Variants in MED16 observed in about 807,000 individuals in gnomAD.
MED16 encodes mediator complex subunit 16.
Under a neutral mutation model 84.4 loss-of-function variants are expected in MED16, and 81 were observed. The ratio of observed to expected loss-of-function variants is 0.96; its 90% CI spans 0.80 to 1.15. The LOEUF (loss-of-function observed/expected upper bound fraction) is 1.15, where lower values mean the gene tolerates loss of function less well. MED16 is among the 50% of genes most tolerant of loss of function. MED16 has a pLI of 0.00. For missense variants in MED16, 1,585 were observed against 1,245.9 expected (o/e 1.27, Z -4.10); for synonymous variants, 897 against 552.2 (o/e 1.62, Z -8.76).
At chr19:878,615 A>ACCAGCCACAACC (rs2036328598) in intron 8 of MED16, among the ~76,000 whole-genome samples, 2 of 82,224 alleles carry the variant, frequency 2.4e-5, no homozygotes, top group South Asian at 4.3e-4. Flanking sequence ...GTCAACGCCC[A>ACCAGCCACAACC]CCAGCCACAA....
At position 881,583 on chromosome 19, in the gene MED16, C is replaced by A. The variant is rs773108866; in HGVS notation, c.1117G>T (p.Asp373Tyr). 1.2e-6 allele frequency: 2 copies of A among 1,612,382 alleles called. No homozygotes were observed. Among genetic ancestry groups the A allele is most frequent in the Non-Finnish European group, 8.5e-7 (1 of 1,179,852 alleles). The change falls in exon 7 of 16, where the codon GAC becomes TAC. Residue 373 changes from aspartate to tyrosine, a missense_variant. By Grantham distance (160) the Asp-to-Tyr change is radical. Transcript: ENST00000325464. ...CCGAGGCCAGGGTAGAACTGTGTGTCGCTGGCCACCTTGAGGTCGGTGTTG... is the reference window on the plus strand; with the variant it reads ...CCGAGGCCAGGGTAGAACTGTGTGTAGCTGGCCACCTTGAGGTCGGTGTTG... ...LTNTDLKVASDTQFYPGLGLA... is the reference protein window; with the variant it reads ...LTNTDLKVASYTQFYPGLGLA...
intron 8 of MED16, among the ~76,000 whole-genome samples, chr19:877,786 AGCCCCAGCCCCACG>A (rs1599328844): frequency 2.2e-5 from 1 of 46,050 alleles, no homozygotes; most frequent in East Asian, 5.1e-4. Context: ...CCCCAGCCCC[AGCCCCAGCCCCACG>A]TGCCCCAGCA....
At chr19:891,173 A>G (rs1382830060) in intron 1 of MED16, 24 bp from the exon 2 acceptor site, 1 of 1,586,198 alleles carries the variant, frequency 6.3e-7, no homozygotes, top group South Asian at 1.1e-5. Context: ...GTGTGGTGGG[A>G]CGTCTATGTT....
rs552751854 is a variant in MED16, at chr19:876,878, G to A, written c.1560+96C>T. The A allele has an allele frequency of 1.6e-4, 206 of 1,289,300 alleles. 1 individual carries two copies. The African/African-American group carries it at 2.8e-3, about 18-fold the overall frequency. 79.9% of individuals were successfully genotyped at this position (1,289,300 alleles called of 1,614,324 possible). A position where few individuals can be genotyped will look rare whatever the true frequency, so the allele number is the denominator to read the frequency against. On this transcript the variant is annotated intron_variant, in intron 9 of 15. Transcript: ENST00000325464. Reference sequence around the variant, plus strand: ...CCTGGCACGGGACCACCTGCCACGGGGCCCCCACCTGCCACGGGGCCCCAC... The same window carrying A: ...CCTGGCACGGGACCACCTGCCACGGAGCCCCCACCTGCCACGGGGCCCCAC...
At chr19:873,835 G>A (rs1336489085) in intron 10 of MED16, among the ~76,000 whole-genome samples, 3 of 152,100 alleles carry the variant, frequency 2.0e-5, no homozygotes, top group Non-Finnish European at 4.4e-5. Flanking sequence ...CCTTGGCGTG[G>A]GCAGGTCCCC....
chr19:869,498 G>A (rs1312693556), intron 13 of MED16, among the ~76,000 whole-genome samples: 1 of 152,164 alleles, frequency 6.6e-6, no homozygotes, highest in Non-Finnish European at 1.5e-5. Context: ...CAGTTTACAA[G>A]CCTCTGACGT....
chr19:874,131 T>G (rs553383696), intron 10 of MED16, among the ~76,000 whole-genome samples: 32 of 133,420 alleles, frequency 2.4e-4, no homozygotes, highest in African/African-American at 7.8e-4. Context: ...ATTTTTTTTT[T>G]GAGACAGAGT....
intron 8 of MED16, among the ~76,000 whole-genome samples, chr19:878,931 C>T (rs2036339438): frequency 3.0e-5 from 3 of 98,662 alleles, no homozygotes; most frequent in African/African-American, 1.4e-4. Flanking sequence ...CGGCCCCGGC[C>T]CCGGCCCCGG....
At chr19:877,228 C>T in intron 8 of MED16, 48 bp from the exon 9 acceptor site, 1 of 1,553,802 alleles carries the variant, frequency 6.4e-7, no homozygotes, top group Non-Finnish European at 8.7e-7. Flanking sequence ...GGGGCTGCGC[C>T]CTCAGCCGGG....
chr19:886,862 G>A (rs2036536690), intron 4 of MED16, among the ~76,000 whole-genome samples: 1 of 152,040 alleles, frequency 6.6e-6, no homozygotes, highest in African/African-American at 2.4e-5. Flanking sequence ...GATCCCCTGA[G>A]GTCAGCAGTT....
intron 8 of MED16, among the ~76,000 whole-genome samples, chr19:877,720 C>T (rs1339378460): frequency 4.4e-5 from 6 of 136,444 alleles, no homozygotes; most frequent in Admixed American, 2.1e-4. Context: ...CCAGCCCCTG[C>T]CCCACGTGCC....
chr19:868,277 C>T (rs369426295), intron 15 of MED16, 26 bp from the exon 16 acceptor site: 20 of 1,588,848 alleles, frequency 1.3e-5, no homozygotes, highest in African/African-American at 4.0e-5. Flanking sequence ...AGGTTAACCG[C>T]GCCGAGGAGA....
intron 11 of MED16, among the ~76,000 whole-genome samples, chr19:872,744 C>T (rs1441591237): frequency 1.3e-5 from 2 of 151,548 alleles, no homozygotes; most frequent in Admixed American, 6.6e-5. Context: ...GATTTCAAGG[C>T]CGCCCACCCC....
At chr19:876,874 ACGGGGCCCCCACC>A (rs1276916143) in intron 9 of MED16, 87 bp downstream of exon 9, 3 of 1,231,502 alleles carry the variant, frequency 2.4e-6, no homozygotes, top group African/African-American at 1.6e-5. Context: ...ACCACCTGCC[ACGGGGCCCCCACC>A]TGCCACGGGG....
chr19:873,246 G>T (rs2036137907), intron 11 of MED16, among the ~76,000 whole-genome samples: 1 of 145,188 alleles, frequency 6.9e-6, no homozygotes, highest in East Asian at 2.0e-4. Context: ...CCAAGTAGGG[G>T]TGGGACTCCA....
chr19:879,383 C>A (rs1421205695), intron 8 of MED16, among the ~76,000 whole-genome samples: 2 of 135,952 alleles, frequency 1.5e-5, no homozygotes, highest in Admixed American at 7.3e-5. Flanking sequence ...CCCAGCCGCA[C>A]ATGCCCCAGC....
chr19:878,379 C>A (rs1363495250), intron 8 of MED16, among the ~76,000 whole-genome samples: 2 of 109,050 alleles, frequency 1.8e-5, no homozygotes, highest in Non-Finnish European at 3.5e-5. Context: ...CAGCCCCAGC[C>A]CCACGTGCCC....
In MED16 at chr19:890,915, C is replaced by T. The variant is rs761001973; in HGVS notation, c.169+48G>A. ...TGGGCCGGGCACCTGGGGAACAGGG[C>T]GGGACACCATGCGGCCGGGAGGGGA... On this transcript the variant is annotated intron_variant, in intron 2 of 15. Coordinates refer to ENST00000325464, the MANE Select transcript of MED16 (RefSeq NM_005481.3). 9.4e-6 allele frequency: 15 copies of T among 1,592,226 alleles called. No homozygotes were observed. The East Asian group carries it at 1.8e-4, about 19-fold the overall frequency.
intron 8 of MED16, among the ~76,000 whole-genome samples, chr19:878,246 AGCCCCAG>A (rs2036311457): frequency 1.9e-5 from 1 of 53,264 alleles, no homozygotes; most frequent in Non-Finnish European, 3.6e-5. Context: ...CCCCAGCCCC[AGCCCCAG>A]CCCCACGGGC....
Sources: gnomAD v4.1 joint callset for allele counts (sites outside exome capture counted in the v4.1 genomes callset) on GRCh38, gnomAD v4.1.1 for gene constraint, MANE v1.5 for transcripts, NCBI Gene and HGNC (gene_info 2026-07-23, HGNC 2026-07-21) for gene names.